Variants in GRID2 observed in about 807,000 individuals in gnomAD.
GRID2 encodes glutamate receptor ionotropic, delta-2.
A neutral mutation model predicts 114.8 loss-of-function variants in GRID2; 33 were observed. The observed-to-expected ratio is 0.29, with a 90% CI of 0.22 to 0.38. The LOEUF (loss-of-function observed/expected upper bound fraction) is 0.38, where lower values mean the gene tolerates loss of function less well. Ranked by LOEUF, GRID2 falls within the 10% of genes least tolerant of loss-of-function variation. The pLI is 1.00. For synonymous variants in GRID2, 505 were observed against 449.9 expected, an observed-to-expected ratio of 1.12 and a Z score of -1.55; for missense variants, 1,184 against 1,257.7, an observed-to-expected ratio of 0.94 and a Z score of 0.89.
intron 2 of GRID2, among the ~76,000 whole-genome samples, chr4:92,751,957 G>A (rs1382847267): frequency 6.6e-6 from 1 of 152,168 alleles, no homozygotes; most frequent in Non-Finnish European, 1.5e-5. Flanking sequence ...ATGAGCCAGT[G>A]TTCTAAGGGC....
At chr4:93,608,286 A>ATT (rs1233562286) in intron 13 of GRID2, among the ~76,000 whole-genome samples, 8 of 83,996 alleles carry the variant, frequency 9.5e-5, no homozygotes, top group East Asian at 4.9e-4. Flanking sequence ...ACTGAAAATT[A>ATT]TTTTTTTTTC....
chr4:93,110,994 A>G, intron 4 of GRID2, 41 bp downstream of exon 4: 1 of 1,294,130 alleles, frequency 7.7e-7, no homozygotes, highest in South Asian at 1.2e-5. Context: ...GTACAAAACA[A>G]TTAAAAGCTT....
At chr4:92,369,280 C>G (rs953044536) in intron 1 of GRID2, among the ~76,000 whole-genome samples, 1 of 152,030 alleles carries the variant, frequency 6.6e-6, no homozygotes, top group Admixed American at 6.6e-5. Flanking sequence ...CACAGAGATT[C>G]CCCTAATGTT....
intron 10 of GRID2, among the ~76,000 whole-genome samples, chr4:93,443,782 G>C (rs1169850587): frequency 6.6e-6 from 1 of 151,684 alleles, no homozygotes; most frequent in Admixed American, 6.6e-5. Context: ...AAATGGGAGA[G>C]ACTTTTTTTT....
chr4:92,522,349 C>G (rs1315477855), intron 1 of GRID2, among the ~76,000 whole-genome samples: 1 of 151,888 alleles, frequency 6.6e-6, no homozygotes, highest in Admixed American at 6.6e-5. Context: ...AAAAGATGAA[C>G]AGAGAGCAAG....
chr4:92,585,732 C>G (rs1401032494), intron 1 of GRID2, among the ~76,000 whole-genome samples: 1 of 151,744 alleles, frequency 6.6e-6, no homozygotes, highest in Non-Finnish European at 1.5e-5. Context: ...ACTATCTTAT[C>G]AGGTAAATAA....
At chr4:93,184,240 A>C (rs1740176407) in intron 4 of GRID2, among the ~76,000 whole-genome samples, 3 of 152,110 alleles carry the variant, frequency 2.0e-5, no homozygotes, top group Admixed American at 2.0e-4. Context: ...TTGCCAAATA[A>C]ATGATGTAGA....
intron 1 of GRID2, among the ~76,000 whole-genome samples, chr4:92,510,376 A>G (rs1724184453): frequency 6.6e-6 from 1 of 151,950 alleles, no homozygotes; most frequent in Admixed American, 6.6e-5. Context: ...ACATCTGATT[A>G]TAGACAGCAC....
At chr4:92,941,810 G>T (rs61120701) in intron 2 of GRID2, among the ~76,000 whole-genome samples, 2 of 151,906 alleles carry the variant, frequency 1.3e-5, no homozygotes, top group South Asian at 2.1e-4. Flanking sequence ...TTATTTCTGC[G>T]TTCATTTTTT....
At chr4:92,569,175 A>C (rs1306212871) in intron 1 of GRID2, among the ~76,000 whole-genome samples, 1 of 151,876 alleles carries the variant, frequency 6.6e-6, no homozygotes, top group East Asian at 1.9e-4. Flanking sequence ...ACATGTGTCC[A>C]TGTGTTCTTA....
At chr4:92,828,292 T>C (rs1407618849) in intron 2 of GRID2, among the ~76,000 whole-genome samples, 1 of 152,130 alleles carries the variant, frequency 6.6e-6, no homozygotes, top group African/African-American at 2.4e-5. Context: ...ATAATGACTT[T>C]ATTGTAGAAA....
intron 2 of GRID2, among the ~76,000 whole-genome samples, chr4:92,833,192 C>T (rs920072736): frequency 2.6e-5 from 4 of 152,186 alleles, no homozygotes; most frequent in Non-Finnish European, 4.4e-5. Flanking sequence ...ACGATGTAGA[C>T]TGTCAACATA....
At position 93,312,947 on chromosome 4, in the gene GRID2, A is replaced by T. The variant is rs1335360326; in HGVS notation, c.1245+74457A>T. On this transcript the variant is annotated intron_variant, in intron 8 of 15. Coordinates refer to ENST00000282020, the MANE Select transcript of GRID2 (RefSeq NM_001510.4). The stretch of plus-strand genomic sequence containing the variant: ...GCCAAAGACAAATGCTCAAATATGG[A>T]GTTTCATAGGAATTTTTCAAACGTA... Among the ~76,000 whole-genome samples the T allele has an allele frequency of 3.9e-5, 6 of 152,246 alleles. No homozygotes were observed. The South Asian group carries it at 1.0e-3, about 26-fold the overall frequency.
intron 2 of GRID2, chr4:92,884,715 C>T: frequency 4.6e-6 from 1 of 217,976 alleles, no homozygotes; most frequent in Middle Eastern, 2.1e-3. Flanking sequence ...TTAACTCTAG[C>T]TACCTGAAGC....
chr4:93,650,781 T>C (rs778220340), intron 14 of GRID2, among the ~76,000 whole-genome samples: 51 of 152,106 alleles, frequency 3.4e-4, no homozygotes, highest in Non-Finnish European at 5.9e-4. Flanking sequence ...ATTAACCTGT[T>C]CAAAGAAAAG....
intron 2 of GRID2, among the ~76,000 whole-genome samples, chr4:93,035,285 G>A (rs1397397105): frequency 6.6e-6 from 1 of 151,710 alleles, no homozygotes; most frequent in East Asian, 1.9e-4. Flanking sequence ...CTAATTTTTC[G>A]TATTTTTATA....
intron 2 of GRID2, among the ~76,000 whole-genome samples, chr4:92,746,275 T>G (rs552504271): frequency 6.6e-6 from 1 of 152,278 alleles, no homozygotes; most frequent in East Asian, 1.9e-4. Flanking sequence ...AATTGAAATT[T>G]AGGGAATTTA....
intron 8 of GRID2, among the ~76,000 whole-genome samples, chr4:93,372,108 G>A (rs1171251853): frequency 6.6e-6 from 1 of 152,272 alleles, no homozygotes; most frequent in Non-Finnish European, 1.5e-5. Context: ...GTAGATGTAA[G>A]AATAGCCTCT....
At chr4:93,075,460 G>A (rs1729176106) in intron 2 of GRID2, among the ~76,000 whole-genome samples, 1 of 152,110 alleles carries the variant, frequency 6.6e-6, no homozygotes, top group Admixed American at 6.5e-5. Context: ...AATTGGACTG[G>A]TGGTACCAGC....
Sources: gnomAD v4.1 joint callset for allele counts (sites outside exome capture counted in the v4.1 genomes callset) on GRCh38, gnomAD v4.1.1 for gene constraint, MANE v1.5 for transcripts, NCBI Gene and HGNC (gene_info 2026-07-23, HGNC 2026-07-21) for gene names.